The following SFI1 variants were observed in gnomAD, a reference collection of about 807,000 sequenced individuals.
SFI1 encodes SFI1 centrin binding protein, also known as protein SFI1 homolog.
A neutral mutation model predicts 207.5 loss-of-function variants in SFI1; 195 were observed. The observed-to-expected ratio is 0.94, with a 90% CI of 0.84 to 1.06. SFI1 has a LOEUF of 1.06. Ranked by LOEUF, SFI1 falls within the 50% of genes least tolerant of loss-of-function variation. The probability of loss-of-function intolerance (pLI) is 0.00; values close to 1 mark genes in which losing one functional copy is unlikely to be tolerated. For missense variants in SFI1, 1,634 were observed against 1,588.0 expected, an observed-to-expected ratio of 1.03 and a Z score of -0.49; for synonymous variants, 630 against 598.9, an observed-to-expected ratio of 1.05 and a Z score of -0.76.
rs747573343 is a variant in SFI1 at position 31,531,893 on chromosome 22, CAA to C, written c.338+781_338+782del. Among the ~76,000 whole-genome samples the C allele has an allele frequency of 2.5e-4, 28 of 111,682 alleles. 1 individual carries two copies. The highest frequency in any genetic ancestry group is 2.0e-3 in the South Asian group (7 of 3,480). 73.3% of individuals were successfully genotyped at this position (111,682 alleles called of 152,430 possible). A position where few individuals can be genotyped will look rare whatever the true frequency, so the allele number is the denominator to read the frequency against. ...CGGCAACAAGAGCGAAAGTCCCTCT[CAA>C]AAAAAAAAAAAAAAAATTAGCTGAG... On this transcript the variant is annotated intron_variant, in intron 4 of 32. Coordinates refer to ENST00000400288, the MANE Select transcript of SFI1 (RefSeq NM_001007467.3).
chr22:31,573,238 C>T (rs764297952), intron 9 of SFI1, 24 bp downstream of exon 9: 14 of 1,610,610 alleles, frequency 8.7e-6, no homozygotes, highest in African/African-American at 1.3e-5. Context: ...TCCAGGCTCT[C>T]GAGATAGAGG....
intron 15 of SFI1, among the ~76,000 whole-genome samples, chr22:31,590,755 G>A (rs1401454849): frequency 6.6e-6 from 1 of 150,664 alleles, no homozygotes; most frequent in Non-Finnish European, 1.5e-5. Context: ...CACCTGCCTG[G>A]GCCTCCCAAA....
intron 15 of SFI1, among the ~76,000 whole-genome samples, chr22:31,594,786 C>T (rs1182357948): frequency 1.5e-5 from 2 of 129,662 alleles, no homozygotes; most frequent in African/African-American, 5.8e-5. Context: ...ACCTGGGAGG[C>T]GGAGCTTGCA....
intron 15 of SFI1, among the ~76,000 whole-genome samples, chr22:31,593,214 G>T (rs1603270157): frequency 6.6e-6 from 1 of 151,460 alleles, no homozygotes; most frequent in Admixed American, 6.6e-5. Context: ...CGGCTGCCGG[G>T]CGGAGGGGCT....
chr22:31,583,108 G>GT (rs1556138638), intron 12 of SFI1, among the ~76,000 whole-genome samples: 6 of 151,190 alleles, frequency 4.0e-5, no homozygotes, highest in Admixed American at 3.3e-4. Context: ...TTTTTTTGTT[G>GT]TTGTTTGTTT....
At chr22:31,609,941 C>A (rs1006048357) in intron 22 of SFI1, among the ~76,000 whole-genome samples, 15 of 152,190 alleles carry the variant, frequency 9.9e-5, no homozygotes, top group Admixed American at 9.8e-4. Context: ...TTAGAGGCGA[C>A]GGGTTTGAGT....
intron 24 of SFI1, chr22:31,612,422 TATATA>T: frequency 8.6e-6 from 1 of 116,432 alleles, no homozygotes; most frequent in African/African-American, 3.3e-5. Context: ...TATATATATA[TATATA>T]ATCAGTGGGC....
At chr22:31,554,873 A>T (rs1454026106) in intron 6 of SFI1, among the ~76,000 whole-genome samples, 1 of 152,074 alleles carries the variant, frequency 6.6e-6, no homozygotes, top group Non-Finnish European at 1.5e-5. Flanking sequence ...TTCTGTTTTC[A>T]TTCAGTAAAA....
At chr22:31,602,496 C>A in intron 16 of SFI1, 111 bp from the exon 17 acceptor site, 1 of 1,330,306 alleles carries the variant, frequency 7.5e-7, no homozygotes, top group Non-Finnish European at 1.1e-6. Flanking sequence ...CACGTCCTGA[C>A]ATCCATTCCT....
At position 31,585,081 on chromosome 22, in the gene SFI1, T is replaced by C; in HGVS notation, c.1360T>C (p.Cys454Arg). 1.9e-6 allele frequency: 3 copies of C among 1,614,120 alleles called. No individual in the cohort carries two copies. The highest frequency in any genetic ancestry group is 2.5e-6 in the Non-Finnish European group (3 of 1,179,996). ...CTTTTGTTTCAGAATAGCACTGCTG[T>C]GCAAATGTATCGAATTGTGGCTACA... Reference protein sequence around the residue: ...AWDHYRIALLCKCIELWLQYT... With the variant: ...AWDHYRIALLRKCIELWLQYT... Residue 454 changes from cysteine (C) to arginine (R), a missense_variant, in exon 14 of 33, where the codon TGC (cysteine) becomes CGC (arginine). Cys to Arg is a radical substitution (Grantham distance 180). Transcript: ENST00000400288.
At chr22:31,503,072 AAG>A (rs2054063856) in intron 1 of SFI1, among the ~76,000 whole-genome samples, 1 of 151,574 alleles carries the variant, frequency 6.6e-6, no homozygotes, top group African/African-American at 2.4e-5. Context: ...AAAAAAAAAA[AAG>A]GTGTAACTGA....
chr22:31,596,273 C>CT (rs2067098580), intron 15 of SFI1, among the ~76,000 whole-genome samples: 1 of 151,820 alleles, frequency 6.6e-6, no homozygotes, highest in Non-Finnish European at 1.5e-5. Context: ...ATCTCTCTCT[C>CT]TCTCTATCTA....
At chr22:31,585,369 G>C (rs1428230107) in intron 14 of SFI1, among the ~76,000 whole-genome samples, 2 of 152,130 alleles carry the variant, frequency 1.3e-5, no homozygotes, top group African/African-American at 4.8e-5. Flanking sequence ...TGAAAGTACT[G>C]AGCTCTTATC....
chr22:31,596,783 CAA>C (rs11427119), intron 15 of SFI1, among the ~76,000 whole-genome samples: 1,305 of 111,530 alleles, frequency 0.012, 8 homozygotes, highest in Middle Eastern at 0.024. Flanking sequence ...GATTCCATCT[CAA>C]AAAAAAAAAA....
At chr22:31,551,658 T>C (rs2060634956) in intron 6 of SFI1, among the ~76,000 whole-genome samples, 1 of 152,208 alleles carries the variant, frequency 6.6e-6, no homozygotes. Flanking sequence ...TTCAAACTCC[T>C]GGACTAAAGC....
chr22:31,526,303 A>G (rs779760328), intron 2 of SFI1, among the ~76,000 whole-genome samples: 2 of 152,200 alleles, frequency 1.3e-5, no homozygotes, highest in Admixed American at 6.5e-5. Flanking sequence ...AGAAACTTAC[A>G]ATCATGGTGG....
At position 31,593,987 on chromosome 22, in the gene SFI1, CGAGGGAGAGGGAGAGGGACAGGGA is replaced by C. The variant is rs1271391218; in HGVS notation, c.1544+4429_1544+4452del. Among the ~76,000 whole-genome samples the C allele has an allele frequency of 2.1e-4, 11 of 53,158 alleles. 1 individual carries two copies. The highest frequency in any genetic ancestry group is 4.5e-4 in the Non-Finnish European group (10 of 22,284). The allele number at this position is 53,158 out of a possible 152,430, so 34.9% of individuals were successfully genotyped here. ...GAGGGAGACCATGGGGAGACGGAGA[CGAGGGAGAGGGAGAGGGACAGGGA>C]GAGGGAGAGGGAGAGGGAGGTGTCC... On this transcript the variant is annotated intron_variant, in intron 15 of 32. Coordinates refer to ENST00000400288, the MANE Select transcript of SFI1 (RefSeq NM_001007467.3).
At chr22:31,617,410 A>G (rs1339830598) in intron 31 of SFI1, among the ~76,000 whole-genome samples, 1 of 152,064 alleles carries the variant, frequency 6.6e-6, no homozygotes, top group Admixed American at 6.6e-5. Flanking sequence ...GTGACTAATT[A>G]TAACACTGAT....
At chr22:31,572,746 G>A (rs144921952) in intron 8 of SFI1, 24 of 185,932 alleles carry the variant, frequency 1.3e-4, no homozygotes, top group African/African-American at 5.6e-4. Flanking sequence ...CAGGTGATCT[G>A]CCCTCCTCGG....
Sources: gnomAD v4.1 joint callset for allele counts (sites outside exome capture counted in the v4.1 genomes callset) on GRCh38, gnomAD v4.1.1 for gene constraint, MANE v1.5 for transcripts, NCBI Gene and HGNC (gene_info 2026-07-23, HGNC 2026-07-21) for gene names.